The following TG variants were observed in gnomAD, a reference collection of about 807,000 sequenced individuals.
TG encodes the protein thyroid hormones.
TG carries 270 observed loss-of-function variants against 324.7 expected under a neutral mutation model. That is an observed-to-expected ratio of 0.83 (90% CI 0.75 to 0.92). TG has a LOEUF of 0.92. Ranked by LOEUF, TG falls within the 40% of genes least tolerant of loss-of-function variation. The probability of loss-of-function intolerance (pLI) is 0.00; values close to 1 mark genes in which losing one functional copy is unlikely to be tolerated. For missense variants in TG, 3,591 were observed against 3,456.4 expected (o/e 1.04, Z -0.98); for synonymous variants, 1,401 against 1,327.0 (o/e 1.06, Z -1.21).
At chr8:132,919,660 G>A in intron 21 of TG, 135 bp downstream of exon 21, 1 of 1,231,804 alleles carries the variant, frequency 8.1e-7, no homozygotes. Context: ...TGCTTGGTAG[G>A]ATATTTAGTA....
intron 27 of TG, among the ~76,000 whole-genome samples, chr8:132,949,682 A>C (rs994655088): frequency 6.6e-6 from 1 of 152,218 alleles, no homozygotes; most frequent in Non-Finnish European, 1.5e-5. Flanking sequence ...CAACTAACAG[A>C]AATAACCACT....
At chr8:133,071,105 T>C (rs2739148) in intron 41 of TG, among the ~76,000 whole-genome samples, 122,440 of 152,168 alleles carry the variant, frequency 0.8, 49,386 homozygotes, top group Admixed American at 0.84. Flanking sequence ...TGTGTCCACC[T>C]CAGATTGGTG....
intron 41 of TG, among the ~76,000 whole-genome samples, chr8:133,070,398 A>C (rs1200411975): frequency 6.6e-6 from 1 of 152,242 alleles, no homozygotes; most frequent in Admixed American, 6.5e-5. Context: ...AAAAGAGACT[A>C]ATCTAAGTGG....
Position 132,941,543 on chromosome 8 carries a change from G to T in TG, c.5233+1G>T, listed in dbSNP as rs756342328. On this transcript the variant is annotated splice_donor_variant, in intron 26 of 47. Transcript: ENST00000220616. LOFTEE classifies it high-confidence loss of function. ...TTCGTCCTCACACAGGTTCAAGGAGGTAATGTTGGCAGTGAGGGCCAGGGC... is the reference window on the plus strand; with the variant it reads ...TTCGTCCTCACACAGGTTCAAGGAGTTAATGTTGGCAGTGAGGGCCAGGGC... The T allele has an allele frequency of 1.2e-6, 2 of 1,614,194 alleles. No individual in the cohort carries two copies. Among genetic ancestry groups the T allele is most frequent in the South Asian group, 1.1e-5 (1 of 91,086 alleles).
At chr8:133,082,288 T>C (rs1357424761) in intron 41 of TG, among the ~76,000 whole-genome samples, 1 of 152,194 alleles carries the variant, frequency 6.6e-6, no homozygotes, top group African/African-American at 2.4e-5. Context: ...TGGCCAGTTA[T>C]TGACAGCTAG....
At chr8:133,111,964 A>G (rs933040600) in intron 43 of TG, among the ~76,000 whole-genome samples, 2 of 152,190 alleles carry the variant, frequency 1.3e-5, no homozygotes, top group Non-Finnish European at 2.9e-5. Flanking sequence ...CCGGGTGGAG[A>G]GTCAGCCATC....
intron 19 of TG, among the ~76,000 whole-genome samples, chr8:132,912,088 C>G (rs775168135): frequency 6.6e-6 from 1 of 152,220 alleles, no homozygotes; most frequent in Non-Finnish European, 1.5e-5. Context: ...CTTCCACCAT[C>G]CAGTGGCCAA....
At position 132,874,094 on chromosome 8, in the gene TG, C is replaced by T. The variant is rs572964631; in HGVS notation, c.638+873C>T. ...GGCTGAGGCAGGAGAATCACTTGAACCCAGGAGGCAGAGATTGCAGTGAGC... is the reference window on the plus strand; with the variant it reads ...GGCTGAGGCAGGAGAATCACTTGAATCCAGGAGGCAGAGATTGCAGTGAGC... On this transcript the variant is annotated intron_variant, in intron 5 of 47. Coordinates refer to ENST00000220616, the MANE Select transcript of TG (RefSeq NM_003235.5). Among the ~76,000 whole-genome samples, 5 of 152,234 alleles carry T rather than the reference C, an allele frequency of 3.3e-5. No homozygotes were observed. The South Asian group carries it at 1.0e-3, about 32-fold the overall frequency.
intron 40 of TG, among the ~76,000 whole-genome samples, chr8:133,026,696 C>T (rs1323704776): frequency 6.6e-6 from 1 of 152,160 alleles, no homozygotes; most frequent in Non-Finnish European, 1.5e-5. Context: ...GGTAACCACA[C>T]ATGCCATGAC....
chr8:132,868,622 G>A (rs1176135987), intron 2 of TG, among the ~76,000 whole-genome samples: 3 of 152,188 alleles, frequency 2.0e-5, no homozygotes, highest in Non-Finnish European at 4.4e-5. Context: ...AGCTGGGGTG[G>A]TGGAAGCAGA....
In TG at chr8:132,994,697, A is replaced by G. The variant is rs753047674; in HGVS notation, c.6262+11285A>G. ...ACTCAGTTTGACTTATTACAGAAGCATCTACCTCTTCTCCCCAGTGTTTAA... is the reference window on the plus strand; with the variant it reads ...ACTCAGTTTGACTTATTACAGAAGCGTCTACCTCTTCTCCCCAGTGTTTAA... On this transcript the variant is annotated intron_variant, in intron 35 of 47. Coordinates refer to ENST00000220616, the MANE Select transcript of TG (RefSeq NM_003235.5). The G allele has an allele frequency of 7.0e-6, 9 of 1,288,492 alleles. No individual in the cohort carries two copies. In the African/African-American group the frequency reaches 1.2e-4, roughly 17 times the overall value. The allele number at this position is 1,288,492 out of a possible 1,614,324, so 79.8% of individuals were successfully genotyped here. A position where few individuals can be genotyped will look rare whatever the true frequency, so the allele number is the denominator to read the frequency against.
chr8:133,072,440 GGATAGATGGATAGATA>G (rs766414794), intron 41 of TG, among the ~76,000 whole-genome samples: 30 of 152,004 alleles, frequency 2.0e-4, no homozygotes, highest in Non-Finnish European at 3.5e-4. Flanking sequence ...AGGGATAGAT[GGATAGATGGATAGATA>G]GATAGATGGA....
chr8:132,931,035 G>T (rs1237541558), intron 23 of TG, among the ~76,000 whole-genome samples: 1 of 152,162 alleles, frequency 6.6e-6, no homozygotes, highest in Non-Finnish European at 1.5e-5. Flanking sequence ...TAGACTGGGG[G>T]ACTTAAACAA....
chr8:133,113,517 C>T lies in TG; in HGVS notation c.7668C>T (p.Val2556=), dbSNP rs539173252. ...SLGGEDSDAR[V]EAAATWYYSL... Reference sequence around the variant, plus strand: ...GTGGCGAGGACTCAGATGCCCGCGTCGAGGCTGCTGCTACATGGTATTACT... The same window carrying T: ...GTGGCGAGGACTCAGATGCCCGCGTTGAGGCTGCTGCTACATGGTATTACT... Residue 2556 remains valine, a synonymous_variant, in exon 44 of 48, where the codon GTC becomes GTT. Coordinates refer to ENST00000220616, the MANE Select transcript of TG (RefSeq NM_003235.5). 130 of 1,614,012 alleles carry T rather than the reference C, an allele frequency of 8.1e-5. 2 individuals are homozygous for T. In the South Asian group the frequency reaches 1.2e-3, roughly 15 times the overall value.
chr8:132,901,285 G>A (rs928665946), intron 15 of TG, 68 bp from the exon 16 acceptor site: 12 of 1,588,866 alleles, frequency 7.6e-6, no homozygotes, highest in Non-Finnish European at 7.8e-6. Flanking sequence ...TGGTGAGGAG[G>A]GTGATTGGGC....
chr8:133,014,672 G>A (rs984318572), intron 37 of TG, among the ~76,000 whole-genome samples: 5 of 152,132 alleles, frequency 3.3e-5, no homozygotes, highest in African/African-American at 1.2e-4. Context: ...AGCAGATTTG[G>A]CCCCATGCTG....
chr8:133,042,678 CTTTTTTTTTT>C (rs58739514), intron 41 of TG, among the ~76,000 whole-genome samples: 54 of 56,756 alleles, frequency 9.5e-4, no homozygotes, highest in African/African-American at 2.1e-3. Context: ...CATTCTGTGT[CTTTTTTTTTT>C]TTTTTTTTTT....
rs779521984 is a variant in TG, at chr8:132,887,199, G to A, written c.1827G>A (p.Glu609=). ...METVLSSQTC[E]QTPERLFVPS... The stretch of plus-strand genomic sequence containing the variant: ...CGGTACTCAGCTCCCAGACCTGTGA[G>A]CAGACACCTGAAAGGCTATTTGTCC... Residue 609 remains glutamate, a synonymous_variant, in exon 9 of 48, where the codon GAG becomes GAA. Coordinates refer to ENST00000220616, the MANE Select transcript of TG (RefSeq NM_003235.5). The A allele has an allele frequency of 1.2e-6, 2 of 1,613,112 alleles. No individual in the cohort carries two copies. Among genetic ancestry groups the A allele is most frequent in the Non-Finnish European group, 1.7e-6 (2 of 1,179,330 alleles).
intron 30 of TG, among the ~76,000 whole-genome samples, chr8:132,967,041 TCCA>T (rs1564014561): frequency 2.1e-3 from 164 of 78,916 alleles, no homozygotes; most frequent in African/African-American, 0.017. Flanking sequence ...CATCCACCCA[TCCA>T]TCCATCCATC....
Sources: allele counts gnomAD v4.1 joint callset (sites outside exome capture counted in the v4.1 genomes callset), GRCh38; gene constraint gnomAD v4.1.1; transcripts MANE v1.5; gene names NCBI Gene and HGNC (gene_info 2026-07-23, HGNC 2026-07-21).